Variants in SHC3 observed in about 807,000 individuals in gnomAD.
The protein encoded by SHC3 is SHC-transforming protein 3.
Under a neutral mutation model 60.4 loss-of-function variants are expected in SHC3, and 15 were observed. That is an observed-to-expected ratio of 0.25 (90% CI 0.17 to 0.38). SHC3 has a LOEUF of 0.38. Among genes scored for constraint, SHC3 ranks in the 10% least tolerant of loss-of-function variants. The pLI is 1.00. For missense variants in SHC3, 677 were observed against 786.1 expected, an observed-to-expected ratio of 0.86 and a Z score of 1.66; for synonymous variants, 294 against 325.9, an observed-to-expected ratio of 0.90 and a Z score of 1.05.
intron 8 of SHC3, 110 bp downstream of exon 8, chr9:89,046,734 T>C (rs1013593773): frequency 5.6e-6 from 7 of 1,246,722 alleles, no homozygotes; most frequent in Non-Finnish European, 7.5e-6. Flanking sequence ...TGATTTACTG[T>C]GTCAAAAATG....
chr9:89,152,094 G>A (rs1433602173), intron 1 of SHC3, among the ~76,000 whole-genome samples: 1 of 152,196 alleles, frequency 6.6e-6, no homozygotes, highest in Non-Finnish European at 1.5e-5. Context: ...TTATGTCAGG[G>A]GAAGTGGCCA....
chr9:89,016,795 G>T (rs1335539467), intron 11 of SHC3, among the ~76,000 whole-genome samples: 1 of 152,132 alleles, frequency 6.6e-6, no homozygotes, highest in Non-Finnish European at 1.5e-5. Context: ...ACCCAACAAT[G>T]TATAAAAAGA....
intron 1 of SHC3, among the ~76,000 whole-genome samples, chr9:89,115,114 C>G (rs1001256410): frequency 2.0e-5 from 3 of 152,118 alleles, no homozygotes; most frequent in Non-Finnish European, 4.4e-5. Flanking sequence ...AGTAGAGTAC[C>G]ACCTGCATCA....
At position 89,105,593 on chromosome 9, in the gene SHC3, T is replaced by C. The variant is rs147948013; in HGVS notation, c.545+6963A>G. On this transcript the variant is annotated intron_variant, in intron 2 of 11. Transcript: ENST00000375835. Reference sequence around the variant, plus strand: ...TAACAGAAGGTAAGCACTTACTTAGTGTTTTATCTTCAATATCTAAACAGT... The same window carrying C: ...TAACAGAAGGTAAGCACTTACTTAGCGTTTTATCTTCAATATCTAAACAGT... Among the ~76,000 whole-genome samples the C allele has an allele frequency of 4.8e-3, 726 of 152,354 alleles. 3 individuals carry two copies. Among genetic ancestry groups the C allele is most frequent in the Middle Eastern group, 0.01 (3 of 294 alleles).
intron 1 of SHC3, among the ~76,000 whole-genome samples, chr9:89,114,435 GA>G (rs201334096): frequency 6.8e-6 from 1 of 147,618 alleles, no homozygotes; most frequent in Non-Finnish European, 1.5e-5. Context: ...ATTGAAAATA[GA>G]AAAAAAAACA....
chr9:89,039,818 T>C (rs1351541279), intron 10 of SHC3, among the ~76,000 whole-genome samples: 1 of 150,492 alleles, frequency 6.6e-6, no homozygotes, highest in Non-Finnish European at 1.5e-5. Flanking sequence ...ATCAGCATCA[T>C]CAGGATCATC....
intron 1 of SHC3, among the ~76,000 whole-genome samples, chr9:89,156,008 T>C (rs1403949536): frequency 1.3e-5 from 2 of 152,234 alleles, no homozygotes; most frequent in Non-Finnish European, 2.9e-5. Context: ...TATTTATGTT[T>C]CTGAGGCCTC....
chr9:89,122,022 TTC>T (rs1356892862), intron 1 of SHC3, among the ~76,000 whole-genome samples: 4 of 152,350 alleles, frequency 2.6e-5, no homozygotes, highest in African/African-American at 2.4e-5. Flanking sequence ...TAAATTCACA[TTC>T]ATTTTCTCCA....
chr9:89,081,924 C>T (rs1825450676), intron 2 of SHC3, among the ~76,000 whole-genome samples: 1 of 152,100 alleles, frequency 6.6e-6, no homozygotes, highest in South Asian at 2.1e-4. Flanking sequence ...GTAGGGATGA[C>T]TGCAGGGGGT....
intron 1 of SHC3, among the ~76,000 whole-genome samples, chr9:89,151,697 C>T (rs1203388131): frequency 6.6e-6 from 1 of 152,076 alleles, no homozygotes; most frequent in African/African-American, 2.4e-5. Context: ...GAATATTATG[C>T]AGCTATTAAA....
rs192724131 is a variant in SHC3, at chr9:89,123,532, T to A, written c.475-10906A>T. Among the ~76,000 whole-genome samples the A allele has an allele frequency of 2.0e-5, 3 of 152,260 alleles. No homozygotes were observed. The East Asian group carries it at 5.8e-4, about 29-fold the overall frequency. On this transcript the variant is annotated intron_variant, in intron 1 of 11. Coordinates refer to ENST00000375835, the MANE Select transcript of SHC3 (RefSeq NM_016848.6). Reference sequence around the variant, plus strand: ...TGTCCATGTTCATCATTGAAATCCATCCTCCTGGCTTCAGGAATTGGTCAG... The same window carrying A: ...TGTCCATGTTCATCATTGAAATCCAACCTCCTGGCTTCAGGAATTGGTCAG...
intron 1 of SHC3, among the ~76,000 whole-genome samples, chr9:89,125,478 G>A (rs1826150851): frequency 6.6e-6 from 1 of 151,830 alleles, no homozygotes; most frequent in African/African-American, 2.4e-5. Context: ...ACACCATATT[G>A]TCAGAGGCGT....
At position 89,046,902 on chromosome 9, in the gene SHC3, G is replaced by A. The variant is rs745330859; in HGVS notation, c.1055C>T (p.Pro352Leu). 12 of 1,610,824 alleles carry A rather than the reference G, an allele frequency of 7.4e-6. No homozygotes were observed. The highest frequency in any genetic ancestry group is 9.3e-6 in the Non-Finnish European group (11 of 1,178,650). ...YNSIPSKMPP[P>L]GGFLDTRLKP... ...CAGTCTAGTATCAAGAAAGCCCCCT[G>A]GAGGAGGCATCTTGCTTGGGATGCT... The change falls in exon 8 of 12, where the codon CCA (proline) becomes CTA (leucine). Residue 352 changes from proline to leucine, a missense_variant. By Grantham distance (98) the Pro-to-Leu change is moderately conservative. Transcript: ENST00000375835.
chr9:89,055,283 G>A (rs1204920927), intron 6 of SHC3, among the ~76,000 whole-genome samples: 2 of 152,228 alleles, frequency 1.3e-5, no homozygotes, highest in Non-Finnish European at 2.9e-5. Flanking sequence ...AGCTGCTCCC[G>A]GCTTGGCGCT....
At chr9:89,029,521 A>T (rs1172131943) in intron 11 of SHC3, among the ~76,000 whole-genome samples, 1 of 152,202 alleles carries the variant, frequency 6.6e-6, no homozygotes, top group African/African-American at 2.4e-5. Context: ...ACCTCTTCCG[A>T]GAAAGGCACT....
At chr9:89,166,028 AG>A (rs1203743908) in intron 1 of SHC3, among the ~76,000 whole-genome samples, 5 of 152,180 alleles carry the variant, frequency 3.3e-5, no homozygotes, top group Non-Finnish European at 7.3e-5. Flanking sequence ...AGTGAGCTGT[AG>A]GTCTGACCTC....
At chr9:89,153,464 C>A (rs1826574488) in intron 1 of SHC3, among the ~76,000 whole-genome samples, 1 of 152,208 alleles carries the variant, frequency 6.6e-6, no homozygotes, top group African/African-American at 2.4e-5. Flanking sequence ...TGCTCTCACT[C>A]AGAGCATTTC....
At chr9:89,164,224 T>A (rs1826751919) in intron 1 of SHC3, among the ~76,000 whole-genome samples, 1 of 152,164 alleles carries the variant, frequency 6.6e-6, no homozygotes, top group Non-Finnish European at 1.5e-5. Flanking sequence ...GCATTGGGCA[T>A]CTGATAGAGT....
intron 1 of SHC3, among the ~76,000 whole-genome samples, chr9:89,158,288 T>C (rs1384624666): frequency 6.6e-6 from 1 of 152,120 alleles, no homozygotes; most frequent in African/African-American, 2.4e-5. Context: ...TGTTGTTTAA[T>C]TTCAAAGTTT....
Sources: gnomAD v4.1 joint callset for allele counts (sites outside exome capture counted in the v4.1 genomes callset) on GRCh38, gnomAD v4.1.1 for gene constraint, MANE v1.5 for transcripts, NCBI Gene and HGNC (gene_info 2026-07-23, HGNC 2026-07-21) for gene names.